The following STXBP5L variants were observed in gnomAD, a reference collection of about 807,000 sequenced individuals.
The protein encoded by STXBP5L is syntaxin binding protein 5L, also known as syntaxin-binding protein 5-like.
Under a neutral mutation model 144.5 loss-of-function variants are expected in STXBP5L, and 65 were observed. The ratio of observed to expected loss-of-function variants is 0.45; its 90% CI spans 0.37 to 0.55. STXBP5L has a LOEUF of 0.55. Among genes scored for constraint, STXBP5L ranks in the 20% least tolerant of loss-of-function variants. The pLI is 0.00. For synonymous variants in STXBP5L, 505 were observed against 469.6 expected (o/e 1.08, Z -0.97); for missense variants, 1,298 against 1,405.5 (o/e 0.92, Z 1.22).
intron 21 of STXBP5L, among the ~76,000 whole-genome samples, chr3:121,379,151 G>A (rs890049704): frequency 6.6e-6 from 1 of 151,994 alleles, no homozygotes; most frequent in Admixed American, 6.6e-5. Context: ...GCCTAAATCT[G>A]TTCCCTACCC....
chr3:121,050,732 C>G (rs190166484), intron 5 of STXBP5L, among the ~76,000 whole-genome samples: 7 of 152,248 alleles, frequency 4.6e-5, no homozygotes, highest in Admixed American at 2.0e-4. Flanking sequence ...ACACACATAA[C>G]AATATTAACT....
At chr3:121,305,617 CT>C (rs1258756822) in intron 19 of STXBP5L, among the ~76,000 whole-genome samples, 1 of 151,878 alleles carries the variant, frequency 6.6e-6, no homozygotes, top group Non-Finnish European at 1.5e-5. Context: ...AATAAAAATC[CT>C]TAACAAAACA....
intron 7 of STXBP5L, among the ~76,000 whole-genome samples, chr3:121,147,428 T>A (rs887208306): frequency 9.9e-5 from 15 of 152,120 alleles, no homozygotes. Flanking sequence ...AATAACAATG[T>A]GACATATCAA....
chr3:121,179,800 G>T (rs1267777634), intron 9 of STXBP5L, among the ~76,000 whole-genome samples: 1 of 152,050 alleles, frequency 6.6e-6, no homozygotes, highest in East Asian at 1.9e-4. Flanking sequence ...ACAGTAGAAA[G>T]TTTCAACAAC....
At chr3:121,181,502 G>C (rs2047151650) in intron 9 of STXBP5L, among the ~76,000 whole-genome samples, 1 of 152,254 alleles carries the variant, frequency 6.6e-6, no homozygotes, top group African/African-American at 2.4e-5. Flanking sequence ...GGGAGACCAA[G>C]GTGGGCAGAT....
chr3:120,949,018 C>T (rs560911256), intron 2 of STXBP5L, among the ~76,000 whole-genome samples: 5 of 151,884 alleles, frequency 3.3e-5, no homozygotes, highest in African/African-American at 1.2e-4. Context: ...AGTTTATATT[C>T]CCACCAGCAG....
At chr3:121,371,678 C>T (rs1576307211) in intron 20 of STXBP5L, among the ~76,000 whole-genome samples, 1 of 152,326 alleles carries the variant, frequency 6.6e-6, no homozygotes, top group South Asian at 2.1e-4. Context: ...TGCATTCATG[C>T]TAGTGGTGGT....
intron 3 of STXBP5L, among the ~76,000 whole-genome samples, chr3:121,009,620 C>T (rs921618657): frequency 2.6e-5 from 4 of 151,926 alleles, no homozygotes; most frequent in African/African-American, 9.7e-5. Flanking sequence ...GAAACACCTA[C>T]ATGTTCATAG....
chr3:121,320,520 G>T (rs2043934765), intron 20 of STXBP5L, among the ~76,000 whole-genome samples: 2 of 151,918 alleles, frequency 1.3e-5, no homozygotes, highest in South Asian at 4.2e-4. Flanking sequence ...TGTGGTATAA[G>T]TAGACTTTTT....
chr3:121,374,534 G>C (rs1188922765), intron 20 of STXBP5L, among the ~76,000 whole-genome samples: 1 of 152,046 alleles, frequency 6.6e-6, no homozygotes, highest in African/African-American at 2.4e-5. Flanking sequence ...CAAGATACAA[G>C]AGTATACAGA....
At chr3:121,407,121 C>T in intron 22 of STXBP5L, 122 bp from the exon 23 acceptor site, 1 of 1,207,668 alleles carries the variant, frequency 8.3e-7, no homozygotes, top group South Asian at 2.0e-5. Flanking sequence ...TCTACAAATT[C>T]ATATACATTA....
chr3:121,407,298 G>C lies in STXBP5L; in HGVS notation c.2643G>C (p.Met881Ile). The C allele has an allele frequency of 6.2e-7, 1 of 1,610,852 alleles. No homozygotes were observed. The highest frequency in any genetic ancestry group is 8.5e-7 in the Non-Finnish European group (1 of 1,178,478). The change falls in exon 23 of 27, where the codon ATG (methionine) becomes ATC (isoleucine). Residue 881 changes from methionine to isoleucine, a missense_variant. Physicochemically the swap from Met to Ile is conservative, Grantham distance 10. Transcript: ENST00000471454. ...TAACATTCTCCTGTATGGACCGAAT[G>C]GGTGGATTAATGCAACCGCCATATG... ...AVLTFSCMDRMGGLMQPPYEV... is the reference protein window; with the variant it reads ...AVLTFSCMDRIGGLMQPPYEV...
At position 121,205,959 on chromosome 3, in the gene STXBP5L, G is replaced by A; in HGVS notation, c.914G>A (p.Cys305Tyr). 1 of 1,517,384 alleles carries A rather than the reference G, an allele frequency of 6.6e-7. No homozygotes were observed. Among genetic ancestry groups the A allele is most frequent in the Non-Finnish European group, 8.8e-7 (1 of 1,137,860 alleles). The allele number at this position is 1,517,384 out of a possible 1,614,324, so 94.0% of individuals were successfully genotyped here. ...SQREGRKSES[C>Y]KPILKVEYKT... Reference sequence around the variant, plus strand: ...AGAGAAGGAAGAAAATCTGAATCTTGTAAACCAATTCTTAAAGTAGAATAC... The same window carrying A: ...AGAGAAGGAAGAAAATCTGAATCTTATAAACCAATTCTTAAAGTAGAATAC... Residue 305 changes from cysteine (C) to tyrosine (Y), a missense_variant, in exon 10 of 27, where the codon TGT (cysteine) becomes TAT (tyrosine). Physicochemically the swap from Cys to Tyr is radical, Grantham distance 194. Transcript: ENST00000471454.
At chr3:121,165,843 C>T (rs966046127) in intron 9 of STXBP5L, among the ~76,000 whole-genome samples, 6 of 152,150 alleles carry the variant, frequency 3.9e-5, no homozygotes, top group Non-Finnish European at 5.9e-5. Context: ...GGAGATTCTC[C>T]GGGCACCCCT....
chr3:121,380,684 G>A (rs991739345), intron 21 of STXBP5L, among the ~76,000 whole-genome samples: 1 of 152,000 alleles, frequency 6.6e-6, no homozygotes, highest in Non-Finnish European at 1.5e-5. Flanking sequence ...TTAGCCCTAG[G>A]CAAAGTTAGG....
chr3:121,072,680 C>T (rs899873072), intron 5 of STXBP5L, among the ~76,000 whole-genome samples: 7 of 152,136 alleles, frequency 4.6e-5, no homozygotes, highest in African/African-American at 1.4e-4. Context: ...TTCTTAGTTA[C>T]CTCTGTCATT....
chr3:121,093,195 TG>T (rs2042914933), intron 5 of STXBP5L, among the ~76,000 whole-genome samples: 1 of 152,144 alleles, frequency 6.6e-6, no homozygotes. Context: ...TGAGGATTTT[TG>T]CATCAATGTT....
intron 9 of STXBP5L, among the ~76,000 whole-genome samples, chr3:121,161,240 CT>C (rs202218213): frequency 1.2e-3 from 173 of 138,686 alleles, no homozygotes; most frequent in Non-Finnish European, 1.6e-3. Context: ...TTTGCTTTTG[CT>C]TTTTTTTTTT....
At chr3:121,060,499 G>A (rs1279258820) in intron 5 of STXBP5L, among the ~76,000 whole-genome samples, 1 of 152,162 alleles carries the variant, frequency 6.6e-6, no homozygotes, top group Non-Finnish European at 1.5e-5. Context: ...AATGAGTTAG[G>A]GAGGAGTCCC....
Sources: gnomAD v4.1 joint callset for allele counts (sites outside exome capture counted in the v4.1 genomes callset) on GRCh38, gnomAD v4.1.1 for gene constraint, MANE v1.5 for transcripts, NCBI Gene and HGNC (gene_info 2026-07-23, HGNC 2026-07-21) for gene names.